Variants in GALNT2 observed in about 807,000 individuals in gnomAD.
GALNT2 encodes UDP-GalNAc:polypeptide N-acetylgalactosaminyltransferase 2.
GALNT2 carries 31 observed loss-of-function variants against 81.4 expected under a neutral mutation model. That is an observed-to-expected ratio of 0.38 (90% confidence interval 0.29 to 0.51). GALNT2 has a LOEUF of 0.51. Among genes scored for constraint, GALNT2 ranks in the 20% least tolerant of loss-of-function variants. GALNT2 has a pLI of 0.87. For missense variants in GALNT2, 629 were observed against 765.7 expected (o/e 0.82, Z 2.11); for synonymous variants, 303 against 287.4 (o/e 1.05, Z -0.55).
intron 1 of GALNT2, among the ~76,000 whole-genome samples, chr1:230,116,187 T>C (rs971405197): frequency 2.0e-5 from 3 of 152,234 alleles, no homozygotes; most frequent in African/African-American, 7.2e-5. Context: ...TGCCCAGATC[T>C]ATAAGAGGAG....
intron 3 of GALNT2, among the ~76,000 whole-genome samples, chr1:230,216,086 A>G (rs551773086): frequency 5.3e-5 from 8 of 152,338 alleles, no homozygotes; most frequent in South Asian, 2.1e-4. Context: ...AAATTAGACC[A>G]GGAAAAATGG....
At chr1:230,277,935 A>G (rs925738182) in intron 15 of GALNT2, among the ~76,000 whole-genome samples, 1 of 152,204 alleles carries the variant, frequency 6.6e-6, no homozygotes, top group African/African-American at 2.4e-5. Context: ...TGCAATGTCA[A>G]AAGGATTTGC....
intron 3 of GALNT2, among the ~76,000 whole-genome samples, chr1:230,211,772 C>T (rs774715432): frequency 1.3e-5 from 2 of 152,056 alleles, no homozygotes; most frequent in Non-Finnish European, 2.9e-5. Context: ...GACTCTATCT[C>T]TAAAAATAAA....
Position 230,257,053 on chromosome 1 carries a change from C to T in GALNT2, c.1136+1709C>T, listed in dbSNP as rs564203018. 7.7e-4 allele frequency among the ~76,000 whole-genome samples: 117 copies of T among 152,270 alleles called. No homozygotes were observed. Among genetic ancestry groups the T allele is most frequent in the African/African-American group, 2.6e-3 (109 of 41,558 alleles). ...GTTTGGCATATCAGCCAAATGGAAG[C>T]CAAGGGTAGCTGGAACCTAGAGAGT... On this transcript the variant is annotated intron_variant, in intron 11 of 15. Coordinates refer to ENST00000366672, the MANE Select transcript of GALNT2 (RefSeq NM_004481.5). The surrounding 1 kb of genome is among the most constrained non-coding windows in gnomAD (Gnocchi z 4.6).
chr1:230,269,067 G>T (rs897827823), intron 14 of GALNT2, among the ~76,000 whole-genome samples: 1 of 151,856 alleles, frequency 6.6e-6, no homozygotes. Context: ...CTTTCCAGCA[G>T]TAAGTGCTGA....
At chr1:230,098,637 A>C (rs2102775002) in intron 1 of GALNT2, among the ~76,000 whole-genome samples, 1 of 152,012 alleles carries the variant, frequency 6.6e-6, no homozygotes, top group African/African-American at 2.4e-5. Flanking sequence ...GGGAGGGAGG[A>C]GTGGTTCCAA....
intron 1 of GALNT2, among the ~76,000 whole-genome samples, chr1:230,160,599 A>T (rs1662401489): frequency 6.6e-6 from 1 of 152,106 alleles, no homozygotes; most frequent in African/African-American, 2.4e-5. Flanking sequence ...CTGTAATCCC[A>T]GCTACTCAGG....
At chr1:230,263,127 G>A in intron 13 of GALNT2, 122 bp downstream of exon 13, 1 of 756,084 alleles carries the variant, frequency 1.3e-6, no homozygotes, top group South Asian at 1.6e-5. Flanking sequence ...CTGGGCCCCA[G>A]TGAGAGCCTG....
chr1:230,269,516 C>T (rs557231814), intron 14 of GALNT2, among the ~76,000 whole-genome samples: 1 of 152,190 alleles, frequency 6.6e-6, no homozygotes, highest in Admixed American at 6.5e-5. Context: ...AATGCTGATG[C>T]CAGGTGCTAT....
intron 1 of GALNT2, among the ~76,000 whole-genome samples, chr1:230,061,581 T>C (rs1009538508): frequency 4.6e-5 from 7 of 152,218 alleles, no homozygotes; most frequent in African/African-American, 1.7e-4. Context: ...TCAGTTTTTA[T>C]TCCTCTCCCC....
intron 1 of GALNT2, among the ~76,000 whole-genome samples, chr1:230,134,455 C>G (rs377445227): frequency 1.3e-5 from 2 of 152,134 alleles, no homozygotes; most frequent in East Asian, 3.9e-4. Context: ...TTATCCCCTT[C>G]CCCCAATTCC....
intron 1 of GALNT2, among the ~76,000 whole-genome samples, chr1:230,124,259 G>A (rs1322077468): frequency 6.6e-6 from 1 of 152,156 alleles, no homozygotes; most frequent in Non-Finnish European, 1.5e-5. Flanking sequence ...TAATTTTGAT[G>A]TAGACATGGA....
In GALNT2 at chr1:230,280,355, C is replaced by G. The variant is rs143659762; in HGVS notation, c.*897C>G. The stretch of plus-strand genomic sequence containing the variant: ...CTACTGTGCGTCAGAATCCACCTTG[C>G]GTGCTGTGCGTATCTGTGAACCTGG... On this transcript the variant is annotated 3_prime_UTR_variant, in exon 16 of 16. Transcript: ENST00000366672. 3.9e-6 allele frequency: 1 copy of G among 257,722 alleles called. No individual in the cohort carries two copies. Among genetic ancestry groups the G allele is most frequent in the African/African-American group, 2.2e-5 (1 of 45,938 alleles). 16.0% of individuals were successfully genotyped at this position (257,722 alleles called of 1,614,324 possible). A position where few individuals can be genotyped will look rare whatever the true frequency, so the allele number is the denominator to read the frequency against.
At chr1:230,145,028 C>T (rs1018132176) in intron 1 of GALNT2, among the ~76,000 whole-genome samples, 3 of 152,134 alleles carry the variant, frequency 2.0e-5, no homozygotes, top group Non-Finnish European at 4.4e-5. Flanking sequence ...AGAGGCCCGG[C>T]GGAGCATCCC....
intron 1 of GALNT2, among the ~76,000 whole-genome samples, chr1:230,150,223 T>C (rs1662050620): frequency 6.6e-6 from 1 of 152,196 alleles, no homozygotes; most frequent in Non-Finnish European, 1.5e-5. Context: ...CAAAGCTGCC[T>C]ACCTCCGTGT....
At chr1:230,250,004 G>A (rs1665493505) in intron 9 of GALNT2, among the ~76,000 whole-genome samples, 1 of 152,176 alleles carries the variant, frequency 6.6e-6, no homozygotes, top group South Asian at 2.1e-4. Context: ...TGTAGGAGGT[G>A]GAGTCTCATC....
At chr1:230,068,020 C>G (rs1043134284) in intron 1 of GALNT2, among the ~76,000 whole-genome samples, 7 of 152,234 alleles carry the variant, frequency 4.6e-5, no homozygotes, top group Admixed American at 2.6e-4. Context: ...GCGCCCCGAG[C>G]GAGGCCAGTC....
chr1:230,242,668 G>A (rs761326955), intron 6 of GALNT2, among the ~76,000 whole-genome samples: 17 of 152,024 alleles, frequency 1.1e-4, no homozygotes, highest in Non-Finnish European at 1.6e-4. Context: ...AACCACAGGC[G>A]CACGCACAGG....
chr1:230,266,436 A>T (rs1666039995), intron 14 of GALNT2, among the ~76,000 whole-genome samples: 1 of 152,228 alleles, frequency 6.6e-6, no homozygotes, highest in Non-Finnish European at 1.5e-5. Context: ...CTGCAGTTTT[A>T]AAAAAGGCAG....
Sources: gnomAD v4.1 joint callset for allele counts (sites outside exome capture counted in the v4.1 genomes callset) on GRCh38, gnomAD v4.1.1 for gene constraint, Gnocchi (gnomAD v3.1) non-coding constraint, MANE v1.5 for transcripts, NCBI Gene and HGNC (gene_info 2026-07-23, HGNC 2026-07-21) for gene names.